HELLS: variants seen among roughly 807,000 people sequenced by gnomAD.
The protein encoded by HELLS is lymphoid-specific helicase.
HELLS carries 32 observed loss-of-function variants against 120.0 expected under a neutral mutation model. The observed-to-expected ratio is 0.27, with a 90% CI of 0.20 to 0.36. HELLS has a LOEUF of 0.36. HELLS is among the 10% of genes least tolerant of loss of function. The pLI, the probability that HELLS is intolerant of heterozygous loss-of-function variation, is 1.00. For synonymous variants in HELLS, 341 were observed against 323.4 expected, an observed-to-expected ratio of 1.05 and a Z score of -0.58; for missense variants, 650 against 993.4, an observed-to-expected ratio of 0.65 and a Z score of 4.65.
chr10:94,566,837 T>C (rs1843823848), intron 6 of HELLS, among the ~76,000 whole-genome samples: 1 of 151,796 alleles, frequency 6.6e-6, no homozygotes, highest in Non-Finnish European at 1.5e-5. Context: ...TATTTTTTCA[T>C]AGAGAGGTGG....
intron 4 of HELLS, among the ~76,000 whole-genome samples, chr10:94,561,524 A>G (rs1843552988): frequency 6.6e-6 from 1 of 152,136 alleles, no homozygotes; most frequent in Non-Finnish European, 1.5e-5. Context: ...AGAGTCCAGT[A>G]GCACCATAGT....
intron 10 of HELLS, among the ~76,000 whole-genome samples, chr10:94,581,031 A>G (rs1489055152): frequency 2.6e-5 from 4 of 152,236 alleles, no homozygotes; most frequent in African/African-American, 4.8e-5. Flanking sequence ...TAGAAAAGAA[A>G]GCTACAACTG....
At chr10:94,609,262 A>G (rs1846164488) in intron 9 of HELLS, among the ~76,000 whole-genome samples, 1 of 152,000 alleles carries the variant, frequency 6.6e-6, no homozygotes, top group Admixed American at 6.6e-5. Context: ...ACCTCAGGTG[A>G]TCCACCCACC....
chr10:94,609,011 C>CTTTTTTTTTT (rs71031590), intron 9 of HELLS, among the ~76,000 whole-genome samples: 6 of 68,236 alleles, frequency 8.8e-5, no homozygotes, highest in Admixed American at 1.9e-4. Flanking sequence ...GTATCCACCT[C>CTTTTTTTTTT]TTTTTTTTTT....
rs149691344 is a variant in HELLS at position 94,558,625 on chromosome 10, G to A, written c.333+430G>A. On this transcript the variant is annotated intron_variant, in intron 4 of 21. Transcript: ENST00000348459. ...CTATTTTTTTTTTCTTTTTTGAGAC[G>A]GGGACTCGCTCTGTCACCCAGGCTG... 3.6e-3 allele frequency among the ~76,000 whole-genome samples: 553 copies of A among 151,570 alleles called. 4 individuals carry two copies. Among genetic ancestry groups the A allele is most frequent in the African/African-American group, 0.013 (534 of 41,268 alleles).
exon 10 of HELLS, chr10:94,611,556 C>G (rs952047359): frequency 6.6e-6 from 1 of 152,170 alleles, no homozygotes. Context: ...ACCTCAAACA[C>G]TAATCTCCAG....
At chr10:94,603,152 CA>C (rs1201122663), downstream of HELLS, among the ~76,000 whole-genome samples, 1 of 152,194 alleles carries the variant, frequency 6.6e-6, no homozygotes, top group Non-Finnish European at 1.5e-5. Context: ...GAGCCAATTG[CA>C]ATGTCTCATT....
At chr10:94,546,055 C>A in intron 1 of HELLS, 103 bp downstream of exon 1, 1 of 1,339,324 alleles carries the variant, frequency 7.5e-7, no homozygotes, top group Non-Finnish European at 1.0e-6. Flanking sequence ...CGACCCCGGG[C>A]AGGGACTGAG....
At chr10:94,546,552 A>G in intron 2 of HELLS, 54 bp downstream of exon 2, 1 of 1,606,710 alleles carries the variant, frequency 6.2e-7, no homozygotes, top group Non-Finnish European at 8.5e-7. Flanking sequence ...CCTCGGCTTT[A>G]ACCCGGAGGT....
chr10:94,588,989 AAC>A (rs1447048621), intron 13 of HELLS, among the ~76,000 whole-genome samples: 1 of 152,032 alleles, frequency 6.6e-6, no homozygotes, highest in African/African-American at 2.4e-5. Flanking sequence ...CTCTACTAAA[AAC>A]ACAAAATTAG....
chr10:94,596,292 G>A (rs1175033450), intron 19 of HELLS, among the ~76,000 whole-genome samples: 1 of 152,108 alleles, frequency 6.6e-6, no homozygotes, highest in African/African-American at 2.4e-5. Flanking sequence ...AACTATCATC[G>A]AGATCAAGGT....
intron 10 of HELLS, chr10:94,577,241 A>G (rs1480445990): frequency 4.0e-6 from 1 of 252,702 alleles, no homozygotes. Flanking sequence ...TATTTAAATA[A>G]TTTCCAGTTA....
chr10:94,588,349 A>C lies in HELLS; in HGVS notation c.1447A>C (p.Ile483Leu). ...GAAGCAGGAGATCTTTTATACAGCCATTGTGAACCGTACAATTGCAAACAT... is the reference window on the plus strand; with the variant it reads ...GAAGCAGGAGATCTTTTATACAGCCCTTGTGAACCGTACAATTGCAAACAT... ...SKKQEIFYTA[I>L]VNRTIANMFG... The change falls in exon 13 of 22, where the codon ATT becomes CTT. Residue 483 changes from isoleucine (I) to leucine (L), a missense_variant. Around this residue, in one of 9 missense-constraint regions of HELLS, gnomAD observed 191 missense variants for 259.7 expected, o/e 0.74. Coordinates refer to ENST00000348459, the MANE Select transcript of HELLS (RefSeq NM_018063.5). 6.2e-7 allele frequency: 1 copy of C among 1,611,756 alleles called. No homozygotes were observed. Among genetic ancestry groups the C allele is most frequent in the Non-Finnish European group, 8.5e-7 (1 of 1,178,868 alleles).
At position 94,545,827 on chromosome 10, in the gene HELLS, C is replaced by G; in HGVS notation, c.-95C>G. On this transcript the variant is annotated 5_prime_UTR_variant, in exon 1 of 22. Coordinates refer to ENST00000348459, the MANE Select transcript of HELLS (RefSeq NM_018063.5). ...CTTTTTTCCCTGGCGGGGGATTTGG[C>G]TAGAAGGCTGGGCCGGCAGCGGTTG... The G allele has an allele frequency of 7.1e-7, 1 of 1,401,738 alleles. No individual in the cohort carries two copies. The highest frequency in any genetic ancestry group is 9.9e-7 in the Non-Finnish European group (1 of 1,010,192). 86.8% of individuals were successfully genotyped at this position (1,401,738 alleles called of 1,614,324 possible).
intron 6 of HELLS, among the ~76,000 whole-genome samples, chr10:94,564,075 G>A (rs573134271): frequency 1.3e-5 from 2 of 152,258 alleles, no homozygotes; most frequent in South Asian, 4.2e-4. Flanking sequence ...CTCCAAAAGT[G>A]CTGGGATTAC....
At chr10:94,562,246 T>G (rs759094403) in intron 4 of HELLS, among the ~76,000 whole-genome samples, 2 of 151,906 alleles carry the variant, frequency 1.3e-5, no homozygotes, top group Non-Finnish European at 2.9e-5. Flanking sequence ...CTACTAAAAA[T>G]ACAAAAATTA....
rs1195417948 is a variant in HELLS at position 94,593,547 on chromosome 10, A to G, written c.2020A>G (p.Thr674Ala). ...AGAGGTGTTTATCTTCTTAGTGAGT[A>G]CACGAGCTGGTGGCCTGGGCATTAA... ...DPEVFIFLVSTRAGGLGINLT... is the reference protein window; with the variant it reads ...DPEVFIFLVSARAGGLGINLT... The change falls in exon 18 of 22, where the codon ACA (threonine) becomes GCA (alanine). Residue 674 changes from threonine (T) to alanine (A), a missense_variant. Thr to Ala is a moderately conservative substitution (Grantham distance 58). This residue lies in a region of HELLS where 191 missense variants were observed against 259.7 expected (regional missense o/e 0.74). Transcript: ENST00000348459. 1.2e-6 allele frequency: 2 copies of G among 1,613,838 alleles called. No individual in the cohort carries two copies. Among genetic ancestry groups the G allele is most frequent in the Non-Finnish European group, 1.7e-6 (2 of 1,179,820 alleles).
chr10:94,576,845 A>G, intron 10 of HELLS, 40 bp downstream of exon 10: 4 of 1,525,262 alleles, frequency 2.6e-6, no homozygotes, highest in Non-Finnish European at 8.9e-7. Context: ...AATACATAAA[A>G]CATGCTTTTC....
At chr10:94,560,715 A>C (rs747692074) in intron 4 of HELLS, among the ~76,000 whole-genome samples, 6 of 151,550 alleles carry the variant, frequency 4.0e-5, no homozygotes, top group East Asian at 2.0e-4. Context: ...TAAATAAATA[A>C]ATACATAAAA....
Sources: allele counts gnomAD v4.1 joint callset (sites outside exome capture counted in the v4.1 genomes callset), GRCh38; gene constraint gnomAD v4.1.1; regional missense constraint gnomAD v4.1.1; transcripts MANE v1.5; gene names NCBI Gene and HGNC (gene_info 2026-07-23, HGNC 2026-07-21).